Variants in LINGO2 observed in about 807,000 individuals in gnomAD.
The protein encoded by LINGO2 is leucine rich repeat and Ig domain containing 2.
Under a neutral mutation model 30.6 loss-of-function variants are expected in LINGO2, and 14 were observed. The observed-to-expected ratio is 0.46, with a 90% CI of 0.30 to 0.72. LINGO2 has a LOEUF of 0.72. Ranked by LOEUF, LINGO2 falls within the 30% of genes least tolerant of loss-of-function variation. The pLI is 0.07. For missense variants in LINGO2, 729 were observed against 751.7 expected, an observed-to-expected ratio of 0.97 and a Z score of 0.35; for synonymous variants, 317 against 288.5, an observed-to-expected ratio of 1.10 and a Z score of -1.00.
the LINGO2 span, among the ~76,000 whole-genome samples, chr9:28,836,391 C>T: frequency 2.2e-4 from 34 of 152,144 alleles, no homozygotes; most frequent in African/African-American, 7.7e-4. Context: ...CTCGGCTCAC[C>T]ACAACCTCCA....
the LINGO2 span, among the ~76,000 whole-genome samples, chr9:28,947,049 G>C: frequency 6.6e-6 from 1 of 151,924 alleles, no homozygotes; most frequent in African/African-American, 2.4e-5. Context: ...AATTCTAAAG[G>C]TTTCAACCAG....
intron 4 of LINGO2, among the ~76,000 whole-genome samples, chr9:28,099,845 T>C (rs144247622): frequency 1.9e-4 from 29 of 152,280 alleles, no homozygotes; most frequent in African/African-American, 6.5e-4. Flanking sequence ...GCTCTTGCCC[T>C]CCTGTCCTCT....
chr9:29,176,808 T>C, the LINGO2 span, among the ~76,000 whole-genome samples: 2 of 152,242 alleles, frequency 1.3e-5, no homozygotes, highest in African/African-American at 4.8e-5. Context: ...TTTTTACTTT[T>C]GCTTTCTGAC....
intron 4 of LINGO2, among the ~76,000 whole-genome samples, chr9:28,193,389 CTT>C (rs921133405): frequency 4.0e-5 from 6 of 151,894 alleles, no homozygotes; most frequent in African/African-American, 1.5e-4. Context: ...TATTTTTTAA[CTT>C]TTAATTAAAA....
intron 4 of LINGO2, among the ~76,000 whole-genome samples, chr9:28,284,809 C>G (rs1823449663): frequency 6.6e-6 from 1 of 152,074 alleles, no homozygotes; most frequent in African/African-American, 2.4e-5. Context: ...GATAGAAAAA[C>G]CATTCTGGTA....
intron 1 of LINGO2, among the ~76,000 whole-genome samples, chr9:28,556,502 C>T (rs968099729): frequency 6.6e-6 from 1 of 152,000 alleles, no homozygotes; most frequent in Non-Finnish European, 1.5e-5. Context: ...AAAGAGGATA[C>T]AAACAAATGG....
chr9:28,439,854 A>T (rs375119057), intron 2 of LINGO2, among the ~76,000 whole-genome samples: 12 of 152,298 alleles, frequency 7.9e-5, no homozygotes, highest in African/African-American at 2.2e-4. Context: ...AGGAAACTTT[A>T]AGGTCTGTCG....
the LINGO2 span, among the ~76,000 whole-genome samples, chr9:28,727,989 G>C: frequency 1.3e-5 from 2 of 152,160 alleles, no homozygotes; most frequent in African/African-American, 2.4e-5. Context: ...TCTCAACAGA[G>C]AGGATCAGTA....
intron 2 of LINGO2, among the ~76,000 whole-genome samples, chr9:28,462,057 G>A (rs956504279): frequency 3.3e-5 from 5 of 151,962 alleles, no homozygotes; most frequent in African/African-American, 1.2e-4. Context: ...CTCCTCTAAT[G>A]TTATGTCTTA....
chr9:28,776,181 T>A, the LINGO2 span, among the ~76,000 whole-genome samples: 7 of 152,174 alleles, frequency 4.6e-5, no homozygotes, highest in Admixed American at 2.0e-4. Flanking sequence ...AACAGTGAGC[T>A]TTAGTGATCC....
At chr9:28,572,715 C>T (rs1823757795) in intron 1 of LINGO2, among the ~76,000 whole-genome samples, 1 of 152,100 alleles carries the variant, frequency 6.6e-6, no homozygotes, top group Non-Finnish European at 1.5e-5. Context: ...AGGGGTCTGA[C>T]AGTGACTTTA....
chr9:28,567,321 T>C (rs1171736454), intron 1 of LINGO2, among the ~76,000 whole-genome samples: 2 of 152,114 alleles, frequency 1.3e-5, no homozygotes, highest in African/African-American at 4.8e-5. Context: ...GAAATTGTTT[T>C]ATCAAAAAGA....
At chr9:27,959,315 A>G (rs1227413628) in intron 5 of LINGO2, among the ~76,000 whole-genome samples, 1 of 152,018 alleles carries the variant, frequency 6.6e-6, no homozygotes, top group Non-Finnish European at 1.5e-5. Context: ...TCTTCAGTCC[A>G]GTCTTTTAAT....
the LINGO2 span, among the ~76,000 whole-genome samples, chr9:29,004,540 C>G: frequency 6.6e-6 from 1 of 151,900 alleles, no homozygotes; most frequent in African/African-American, 2.4e-5. Context: ...TCTATGTACT[C>G]TGTCAGATAG....
chr9:28,505,098 A>T (rs967313573), intron 1 of LINGO2, among the ~76,000 whole-genome samples: 1 of 151,960 alleles, frequency 6.6e-6, no homozygotes, highest in Admixed American at 6.6e-5. Flanking sequence ...TTTGTGATAG[A>T]AGAAGCAACA....
At chr9:29,094,130 A>G in the LINGO2 span, among the ~76,000 whole-genome samples, 1 of 139,086 alleles carries the variant, frequency 7.2e-6, no homozygotes, top group Non-Finnish European at 1.6e-5. Context: ...CATAATGTCA[A>G]ATAAAACATT....
At chr9:28,283,044 A>G (rs1004663020) in intron 4 of LINGO2, among the ~76,000 whole-genome samples, 36 of 152,172 alleles carry the variant, frequency 2.4e-4, no homozygotes, top group African/African-American at 8.4e-4. Context: ...ATTTGGCTAC[A>G]AAGCCCTTTG....
chr9:28,519,624 T>G (rs1217514086), intron 1 of LINGO2, among the ~76,000 whole-genome samples: 1 of 152,174 alleles, frequency 6.6e-6, no homozygotes, highest in African/African-American at 2.4e-5. Flanking sequence ...ATAAATGAAG[T>G]TGTAGAGTCA....
At chr9:28,387,769 C>T (rs756103628) in intron 2 of LINGO2, among the ~76,000 whole-genome samples, 3 of 152,068 alleles carry the variant, frequency 2.0e-5, no homozygotes, top group Admixed American at 1.3e-4. Flanking sequence ...CAACTCTGGA[C>T]GTACCACCTT....
Sources: allele counts gnomAD v4.1 joint callset (sites outside exome capture counted in the v4.1 genomes callset), GRCh38; gene constraint gnomAD v4.1.1; transcripts MANE v1.5; gene names NCBI Gene and HGNC (gene_info 2026-07-23, HGNC 2026-07-21).